DPP6: variants seen among roughly 807,000 people sequenced by gnomAD.
DPP6 encodes dipeptidyl peptidase like 6.
A neutral mutation model predicts 122.6 loss-of-function variants in DPP6; 69 were observed. The observed-to-expected ratio is 0.56, with a 90% CI of 0.46 to 0.69. The LOEUF (loss-of-function observed/expected upper bound fraction) is 0.69, where lower values mean the gene tolerates loss of function less well. Among genes scored for constraint, DPP6 ranks in the 30% least tolerant of loss-of-function variants. DPP6 has a pLI of 0.00. For missense variants in DPP6, 928 were observed against 1,116.9 expected, an observed-to-expected ratio of 0.83 and a Z score of 2.41; for synonymous variants, 418 against 433.1, an observed-to-expected ratio of 0.97 and a Z score of 0.43.
chr7:154,746,874 G>T (rs1012747886), intron 8 of DPP6, among the ~76,000 whole-genome samples: 1 of 152,182 alleles, frequency 6.6e-6, no homozygotes, highest in African/African-American at 2.4e-5. Context: ...AACTCCCTAA[G>T]AGGATAGAAA....
chr7:154,832,019 T>C (rs1041266830), intron 16 of DPP6, among the ~76,000 whole-genome samples: 9 of 152,390 alleles, frequency 5.9e-5, no homozygotes, highest in Admixed American at 5.2e-4. Context: ...GCAATTCATC[T>C]TACTGAGAAA....
At chr7:154,313,272 G>A (rs749865499) in intron 1 of DPP6, among the ~76,000 whole-genome samples, 2 of 152,172 alleles carry the variant, frequency 1.3e-5, no homozygotes, top group African/African-American at 2.4e-5. Flanking sequence ...CAGCCAGGGT[G>A]CCTGGACCCA....
chr7:153,784,344 A>G, the DPP6 span, among the ~76,000 whole-genome samples: 5 of 152,378 alleles, frequency 3.3e-5, no homozygotes, highest in East Asian at 9.6e-4. Flanking sequence ...ATTCGGAATC[A>G]CATGATAGTT....
intron 21 of DPP6, chr7:154,884,059 C>T (rs924273783): frequency 6.7e-6 from 1 of 150,316 alleles, no homozygotes; most frequent in Non-Finnish European, 1.5e-5. Flanking sequence ...CATACCCATA[C>T]ATGCTCACCC....
intron 7 of DPP6, among the ~76,000 whole-genome samples, chr7:154,724,665 G>T (rs113666022): frequency 2.6e-5 from 4 of 152,158 alleles, no homozygotes; most frequent in Non-Finnish European, 5.9e-5. Flanking sequence ...GGCCTCCTGA[G>T]TATCCCATCT....
At chr7:154,762,773 G>A (rs1795639661) in intron 8 of DPP6, among the ~76,000 whole-genome samples, 1 of 152,252 alleles carries the variant, frequency 6.6e-6, no homozygotes, top group Non-Finnish European at 1.5e-5. Context: ...TCTGCTTTTG[G>A]AGGGAGTTTA....
chr7:154,073,318 T>C (rs1201868287), intron 1 of DPP6, among the ~76,000 whole-genome samples: 1 of 152,298 alleles, frequency 6.6e-6, no homozygotes, highest in Non-Finnish European at 1.5e-5. Flanking sequence ...GGATGCCCTT[T>C]AGTGGGGGAA....
intron 3 of DPP6, among the ~76,000 whole-genome samples, chr7:154,479,851 T>A (rs770097057): frequency 7.9e-5 from 12 of 152,124 alleles, no homozygotes; most frequent in Non-Finnish European, 1.6e-4. Flanking sequence ...CTTTCTCATT[T>A]CTAGATGATG....
intron 3 of DPP6, among the ~76,000 whole-genome samples, chr7:154,497,890 C>G (rs1355180347): frequency 2.6e-5 from 4 of 152,082 alleles, no homozygotes; most frequent in Non-Finnish European, 5.9e-5. Flanking sequence ...CTGGACTTAC[C>G]TGTTTTATCT....
At chr7:154,376,703 A>G (rs1381539085) in intron 1 of DPP6, among the ~76,000 whole-genome samples, 1 of 152,224 alleles carries the variant, frequency 6.6e-6, no homozygotes, top group African/African-American at 2.4e-5. Flanking sequence ...GCTACAGCAG[A>G]TCTGTCTACC....
chr7:154,815,129 A>G (rs908842997), intron 16 of DPP6, among the ~76,000 whole-genome samples: 1 of 152,172 alleles, frequency 6.6e-6, no homozygotes, highest in Non-Finnish European at 1.5e-5. Context: ...AGGAACACAA[A>G]ATTAAGGGCA....
At chr7:153,753,023 G>A in the DPP6 span, among the ~76,000 whole-genome samples, 2 of 152,116 alleles carry the variant, frequency 1.3e-5, no homozygotes, top group Admixed American at 6.5e-5. Context: ...ATAGGTCCTG[G>A]TAATAATTCT....
At chr7:154,635,549 A>G (rs893051842) in intron 5 of DPP6, among the ~76,000 whole-genome samples, 1 of 152,238 alleles carries the variant, frequency 6.6e-6, no homozygotes, top group Non-Finnish European at 1.5e-5. Flanking sequence ...AACTAGCTAT[A>G]TTACTTACCT....
intron 1 of DPP6, among the ~76,000 whole-genome samples, chr7:153,972,986 G>A (rs556585908): frequency 2.7e-4 from 41 of 151,982 alleles, no homozygotes; most frequent in African/African-American, 9.9e-4. Flanking sequence ...TAGTCTAAAA[G>A]TGGGTTAGAT....
chr7:154,053,157 G>GA (rs1294973001), intron 1 of DPP6, 94 bp downstream of exon 1: 1 of 413,010 alleles, frequency 2.4e-6, no homozygotes, highest in Non-Finnish European at 3.3e-6. Context: ...TTTGGGGGGG[G>GA]AATCAGGCGC....
the DPP6 span, among the ~76,000 whole-genome samples, chr7:153,825,551 C>CTTTT: frequency 4.6e-5 from 7 of 151,124 alleles, no homozygotes; most frequent in African/African-American, 1.7e-4. Flanking sequence ...CCATTTTTTT[C>CTTTT]TTTTGTTTTG....
intron 6 of DPP6, among the ~76,000 whole-genome samples, chr7:154,641,136 C>CGATG (rs1836061001): frequency 6.6e-6 from 1 of 152,152 alleles, no homozygotes. Flanking sequence ...TTCCTTCCTC[C>CGATG]GATGGCTGTG....
intron 1 of DPP6, among the ~76,000 whole-genome samples, chr7:154,180,567 T>C (rs1000035332): frequency 6.7e-6 from 1 of 148,386 alleles, no homozygotes; most frequent in African/African-American, 2.5e-5. Flanking sequence ...AGAGAGAATA[T>C]ATATATATAT....
chr7:154,206,296 C>T (rs1481070081), intron 1 of DPP6, among the ~76,000 whole-genome samples: 2 of 152,210 alleles, frequency 1.3e-5, no homozygotes, highest in Admixed American at 1.3e-4. Context: ...AACCTCTGTG[C>T]TCTCTTACAT....
Sources: allele counts gnomAD v4.1 joint callset (sites outside exome capture counted in the v4.1 genomes callset), GRCh38; gene constraint gnomAD v4.1.1; transcripts MANE v1.5; gene names NCBI Gene and HGNC (gene_info 2026-07-23, HGNC 2026-07-21).